RAB37: variants seen among roughly 807,000 people sequenced by gnomAD.
RAB37 encodes the protein ras-related protein Rab-37.
Under a neutral mutation model 33.1 loss-of-function variants are expected in RAB37, and 29 were observed. The ratio of observed to expected loss-of-function variants is 0.88; its 90% CI spans 0.65 to 1.20. RAB37 has a LOEUF of 1.20. Ranked by LOEUF, RAB37 falls within the 50% of genes most tolerant of loss-of-function variation. The probability of loss-of-function intolerance (pLI) is 0.00; values close to 1 mark genes in which losing one functional copy is unlikely to be tolerated. For synonymous variants in RAB37, 128 were observed against 119.5 expected, an observed-to-expected ratio of 1.07 and a Z score of -0.47; for missense variants, 299 against 301.1, an observed-to-expected ratio of 0.99 and a Z score of 0.05.
chr17:74,740,555 G>T (rs2034587627), intron 1 of RAB37, among the ~76,000 whole-genome samples: 1 of 152,182 alleles, frequency 6.6e-6, no homozygotes, highest in Non-Finnish European at 1.5e-5. Context: ...AGGACAGGAG[G>T]GTCAGAGGGA....
At chr17:74,684,078 A>C (rs1252895954) in intron 1 of RAB37, among the ~76,000 whole-genome samples, 1 of 152,006 alleles carries the variant, frequency 6.6e-6, no homozygotes. Context: ...GAATAATGAG[A>C]GTCATTATTT....
chr17:74,731,489 G>A (rs2034383878), intron 2 of RAB37, among the ~76,000 whole-genome samples: 1 of 152,172 alleles, frequency 6.6e-6, no homozygotes, highest in African/African-American at 2.4e-5. Context: ...CAGGTCCTGT[G>A]TAGATGCCTC....
At chr17:74,735,304 C>G (rs1057208938), upstream of RAB37, among the ~76,000 whole-genome samples, 5 of 152,150 alleles carry the variant, frequency 3.3e-5, no homozygotes, top group Admixed American at 2.0e-4. Context: ...ATTTGGAAGG[C>G]CAAGGCAGGC....
rs2034747423 is a variant in RAB37, at chr17:74,745,818, C to T, written c.*407C>T. On this transcript the variant is annotated 3_prime_UTR_variant, in exon 9 of 9. Coordinates refer to ENST00000392613, the MANE Select transcript of RAB37 (RefSeq NM_001006638.3). The surrounding 1 kb of genome is among the most constrained non-coding windows in gnomAD (Gnocchi z 4.5). The stretch of plus-strand genomic sequence containing the variant: ...TGGGGGTGAGGGCAGGTAATGACTC[C>T]ATCGCACCCTCAGTTCAGCTGGACA... The T allele has an allele frequency of 1.1e-5, 2 of 174,882 alleles. No homozygotes were observed. Among genetic ancestry groups the T allele is most frequent in the Admixed American group, 5.8e-5 (1 of 17,202 alleles). 10.8% of individuals were successfully genotyped at this position (174,882 alleles called of 1,614,324 possible). A position where few individuals can be genotyped will look rare whatever the true frequency, so the allele number is the denominator to read the frequency against.
chr17:74,746,315 T>A lies in RAB37; in HGVS notation c.*904T>A, dbSNP rs892519432. 5 of 152,220 alleles carry A rather than the reference T, an allele frequency of 3.3e-5. No individual in the cohort carries two copies. The highest frequency in any genetic ancestry group is 5.9e-5 in the Non-Finnish European group (4 of 68,076). 9.4% of individuals were successfully genotyped at this position (152,220 alleles called of 1,614,324 possible). Reference sequence around the variant, plus strand: ...TCCGCTCACTACAACCTCCACTCCCTGGGGCTCAAGCGATCCTCCCACCTC... The same window carrying A: ...TCCGCTCACTACAACCTCCACTCCCAGGGGCTCAAGCGATCCTCCCACCTC... On this transcript the variant is annotated 3_prime_UTR_variant, in exon 9 of 9. Coordinates refer to ENST00000392613, the MANE Select transcript of RAB37 (RefSeq NM_001006638.3). The surrounding 1 kb of genome is among the most constrained non-coding windows in gnomAD (Gnocchi z 5.2).
At position 74,742,424 on chromosome 17, in the gene RAB37, A is replaced by T; in HGVS notation, c.246+129A>T. The T allele has an allele frequency of 4.3e-6, 3 of 691,194 alleles. No homozygotes were observed. The highest frequency in any genetic ancestry group is 7.4e-6 in the Non-Finnish European group (3 of 405,640). 42.8% of individuals were successfully genotyped at this position (691,194 alleles called of 1,614,324 possible). ...TTTCCTGTGGGGCCCACGGGAGGAA[A>T]TGGCTTTTGTTTATTTGACATCTGC... On this transcript the variant is annotated intron_variant, in intron 3 of 8. Transcript: ENST00000392613. This position sits in a 1 kb window ranked among gnomAD's most constrained non-coding sequence, Gnocchi z 4.0.
intron 1 of RAB37, among the ~76,000 whole-genome samples, chr17:74,719,380 G>T (rs2034209032): frequency 6.6e-6 from 1 of 152,114 alleles, no homozygotes; most frequent in Non-Finnish European, 1.5e-5. Flanking sequence ...AGCCCAGAGA[G>T]GTCGAGGCTG....
chr17:74,736,947 G>A, upstream of RAB37: 2 of 1,521,258 alleles, frequency 1.3e-6, no homozygotes, highest in South Asian at 2.4e-5. Flanking sequence ...AGCAGACGGG[G>A]TCCCCGCGGC....
intron 1 of RAB37, among the ~76,000 whole-genome samples, chr17:74,698,140 A>AG (rs1186673287): frequency 1.3e-5 from 2 of 152,212 alleles, no homozygotes; most frequent in African/African-American, 4.8e-5. Context: ...AGAGAAGAGA[A>AG]GGGGAAGGAC....
intron 1 of RAB37, among the ~76,000 whole-genome samples, chr17:74,715,469 A>G (rs975888798): frequency 6.6e-6 from 1 of 152,224 alleles, no homozygotes; most frequent in African/African-American, 2.4e-5. Context: ...TCCTCTGCCC[A>G]GGGCACCATG....
rs1236089714 is a variant in RAB37, at chr17:74,691,487, A to G, written c.72+19829A>G. ...GCCCGGCCTGTAGACACCTTTTTTC[A>G]AAGTTTGACTAAGGCAACCAAAAGG... On this transcript the variant is annotated intron_variant, in intron 1 of 7. Coordinates refer to the RAB37 transcript ENST00000340415. Among the ~76,000 whole-genome samples the G allele has an allele frequency of 2.6e-5, 4 of 152,026 alleles. 1 individual carries two copies. The highest frequency in any genetic ancestry group is 2.0e-4 in the Admixed American group (3 of 15,266).
chr17:74,689,994 G>A (rs1170900001), intron 1 of RAB37, among the ~76,000 whole-genome samples: 3 of 152,074 alleles, frequency 2.0e-5, no homozygotes, highest in African/African-American at 7.2e-5. Context: ...CTCTGTCCCT[G>A]AGGCTGGTGT....
At chr17:74,682,152 A>T (rs895218513) in intron 1 of RAB37, among the ~76,000 whole-genome samples, 2 of 152,208 alleles carry the variant, frequency 1.3e-5, no homozygotes, top group African/African-American at 4.8e-5. Flanking sequence ...CTTGACTGCA[A>T]AAGGGGAAAT....
In RAB37 at chr17:74,713,865, C is replaced by G. The variant is rs544327906; in HGVS notation, c.73-15391C>G. 2.5e-4 allele frequency among the ~76,000 whole-genome samples: 31 copies of G among 124,874 alleles called. No homozygotes were observed. The Admixed American group carries it at 2.6e-3, about 10-fold the overall frequency. 81.9% of individuals were successfully genotyped at this position (124,874 alleles called of 152,430 possible). ...ATCACTTGAGGCCAGGAGTTCAAGACCAGCCTGGGCAACATGGCAAGGCTT... is the reference window on the plus strand; with the variant it reads ...ATCACTTGAGGCCAGGAGTTCAAGAGCAGCCTGGGCAACATGGCAAGGCTT... On this transcript the variant is annotated intron_variant, in intron 1 of 7. Coordinates refer to the RAB37 transcript ENST00000340415.
chr17:74,739,392 G>A (rs915730368), intron 1 of RAB37, among the ~76,000 whole-genome samples: 4 of 152,062 alleles, frequency 2.6e-5, no homozygotes, highest in African/African-American at 9.7e-5. Context: ...ACTCCTGCCC[G>A]CACTACCCAC....
At position 74,730,105 on chromosome 17, in the gene RAB37, G is replaced by A. The variant is rs116285227; in HGVS notation, c.183+739G>A. Among the ~76,000 whole-genome samples the A allele has an allele frequency of 1.5e-3, 234 of 152,292 alleles. No individual in the cohort carries two copies. Among genetic ancestry groups the A allele is most frequent in the African/African-American group, 5.4e-3 (223 of 41,576 alleles). On this transcript the variant is annotated intron_variant, in intron 2 of 7. Coordinates refer to the RAB37 transcript ENST00000340415. The surrounding 1 kb of genome is among the most constrained non-coding windows in gnomAD (Gnocchi z 4.4). ...CATCTCCCCGCGTTGTCCCGTGCCT[G>A]CGGCTGCAGCTGCCCTTGAATTCCT... is the stretch of plus-strand genomic sequence containing the variant.
intron 1 of RAB37, among the ~76,000 whole-genome samples, chr17:74,708,637 C>A (rs1455044437): frequency 1.3e-5 from 2 of 152,174 alleles, no homozygotes; most frequent in Non-Finnish European, 2.9e-5. Flanking sequence ...AATAAGGAGG[C>A]TGGACGCGGT....
At chr17:74,680,267 C>T (rs2031926313) in intron 1 of RAB37, among the ~76,000 whole-genome samples, 1 of 151,980 alleles carries the variant, frequency 6.6e-6, no homozygotes, top group Non-Finnish European at 1.5e-5. Flanking sequence ...GGACAAGGGG[C>T]TTCACCAAGA....
chr17:74,735,623 AGT>A (rs757197525), upstream of RAB37, among the ~76,000 whole-genome samples: 39 of 152,162 alleles, frequency 2.6e-4, no homozygotes, highest in Non-Finnish European at 4.7e-4. Flanking sequence ...ACGCCTCTGT[AGT>A]GTGCTGCGCA....
Sources: gnomAD v4.1 joint callset for allele counts (sites outside exome capture counted in the v4.1 genomes callset) on GRCh38, gnomAD v4.1.1 for gene constraint, Gnocchi (gnomAD v3.1) non-coding constraint, MANE v1.5 for transcripts, NCBI Gene and HGNC (gene_info 2026-07-23, HGNC 2026-07-21) for gene names.